STMND1: variants seen among roughly 807,000 people sequenced by gnomAD.
STMND1 encodes the protein stathmin domain containing 1.
In STMND1, 17 loss-of-function variants were observed where a neutral mutation model predicts 23.0. The ratio of observed to expected loss-of-function variants is 0.74; its 90% CI spans 0.51 to 1.11. STMND1 has a LOEUF of 1.11. Among genes scored for constraint, STMND1 ranks in the 50% least tolerant of loss-of-function variants. STMND1 has a pLI of 0.00. For missense variants in STMND1, 305 were observed against 329.1 expected (o/e 0.93, Z 0.57); for synonymous variants, 114 against 119.9 (o/e 0.95, Z 0.32).
At chr6:17,111,304 G>A (rs1395111511) in intron 1 of STMND1, among the ~76,000 whole-genome samples, 4 of 152,072 alleles carry the variant, frequency 2.6e-5, no homozygotes, top group African/African-American at 9.7e-5. Flanking sequence ...TTTATCGAGG[G>A]CCTTCTGGAA....
rs1761383004 is a variant in STMND1, at chr6:17,130,853, A to G, written c.803A>G (p.Tyr268Cys). 1 of 1,531,878 alleles carries G rather than the reference A, an allele frequency of 6.5e-7. No homozygotes were observed. The highest frequency in any genetic ancestry group is 8.7e-7 in the Non-Finnish European group (1 of 1,144,012). The allele number at this position is 1,531,878 out of a possible 1,614,324, so 94.9% of individuals were successfully genotyped here. Residue 268 changes from tyrosine to cysteine, a missense_variant, in exon 5 of 5, where the codon TAC (tyrosine) becomes TGC (cysteine). Physicochemically the swap from Tyr to Cys is radical, Grantham distance 194. Transcript: ENST00000536551. ...GGGGTCGTGGAGTCAGACATGTCCTACAACCAAGCAGATGACATAGTCTAC... is the reference window on the plus strand; with the variant it reads ...GGGGTCGTGGAGTCAGACATGTCCTGCAACCAAGCAGATGACATAGTCTAC... Reference protein sequence around the residue: ...SFGVVESDMSYNQADDIVY With the variant: ...SFGVVESDMSCNQADDIVY
chr6:17,106,191 C>T (rs1033469744), intron 1 of STMND1, among the ~76,000 whole-genome samples: 5 of 152,198 alleles, frequency 3.3e-5, no homozygotes, highest in African/African-American at 1.2e-4. Context: ...CGAGGTCACT[C>T]CTCCTGAAGC....
At chr6:17,129,066 C>A in intron 3 of STMND1, 46 bp from the exon 4 acceptor site, 1 of 1,519,948 alleles carries the variant, frequency 6.6e-7, no homozygotes, top group Non-Finnish European at 8.8e-7. Flanking sequence ...TCTCTTCTGC[C>A]AGTGAATATG....
At chr6:17,118,150 CAGTT>C (rs567903018) in intron 2 of STMND1, among the ~76,000 whole-genome samples, 115 of 150,354 alleles carry the variant, frequency 7.6e-4, no homozygotes, top group African/African-American at 2.6e-3. Context: ...TTTTGAGTCA[CAGTT>C]AGAAAGTCTT....
In STMND1 at chr6:17,115,066, G is replaced by T; in HGVS notation, c.186G>T (p.Gln62His). 1.3e-6 allele frequency: 2 copies of T among 1,536,048 alleles called. No individual in the cohort carries two copies. Among genetic ancestry groups the T allele is most frequent in the Non-Finnish European group, 8.7e-7 (1 of 1,146,866 alleles). Reference sequence around the variant, plus strand: ...TTGCAGAAGGCCTGGAACAAGTCCAGATGGGAAGCTTACCTGGAACCATTT... The same window carrying T: ...TTGCAGAAGGCCTGGAACAAGTCCATATGGGAAGCTTACCTGGAACCATTT... ...VDIAEGLEQV[Q>H]MGSLPGTISE... Residue 62 changes from glutamine to histidine, a missense_variant, in exon 2 of 5, where the codon CAG becomes CAT. Transcript: ENST00000536551.
At chr6:17,128,566 G>T (rs1029047311) in intron 3 of STMND1, 1 of 152,146 alleles carries the variant, frequency 6.6e-6, no homozygotes, top group East Asian at 1.9e-4. Context: ...GAGAACACCT[G>T]CATTCATAGG....
At chr6:17,107,214 T>A (rs1008886079) in intron 1 of STMND1, among the ~76,000 whole-genome samples, 1 of 152,232 alleles carries the variant, frequency 6.6e-6, no homozygotes, top group African/African-American at 2.4e-5. Context: ...CCCTTCAAGC[T>A]GTTTGGTAAA....
chr6:17,121,085 T>A (rs1761227546), intron 3 of STMND1, among the ~76,000 whole-genome samples: 1 of 152,198 alleles, frequency 6.6e-6, no homozygotes, highest in Non-Finnish European at 1.5e-5. Flanking sequence ...GATGGTTTTA[T>A]AAGTGTCTGG....
chr6:17,106,898 A>T lies in STMND1; in HGVS notation c.81+4560A>T, dbSNP rs975231668. On this transcript the variant is annotated intron_variant, in intron 1 of 4. Coordinates refer to ENST00000536551, the MANE Select transcript of STMND1 (RefSeq NM_001190766.2). ...AATAATGCATAATAATAAGAAAAGC[A>T]TGGAAAACTTCTTAGTTGGAGAAAT... 3.3e-5 allele frequency among the ~76,000 whole-genome samples: 5 copies of T among 152,342 alleles called. No individual in the cohort carries two copies. The South Asian group carries it at 1.0e-3, about 32-fold the overall frequency.
intron 4 of STMND1, 73 bp downstream of exon 4, chr6:17,129,316 C>T: frequency 6.9e-7 from 1 of 1,444,182 alleles, no homozygotes; most frequent in Non-Finnish European, 9.2e-7. Flanking sequence ...CAGAGCTTTC[C>T]TATCAGCAGT....
chr6:17,120,763 G>A lies in STMND1; in HGVS notation c.411+5G>A, dbSNP rs780462454. ...GGAGAATCATATGATGTCACGGCAA[G>A]TAATTTTGTAATTAACATTAGCTTA... On this transcript the variant is annotated splice_donor_5th_base_variant and intron_variant, in intron 3 of 4. Coordinates refer to ENST00000536551, the MANE Select transcript of STMND1 (RefSeq NM_001190766.2). 1.1e-5 allele frequency: 17 copies of A among 1,515,968 alleles called. No individual in the cohort carries two copies. Among genetic ancestry groups the A allele is most frequent in the African/African-American group, 1.4e-5 (1 of 71,932 alleles). 93.9% of individuals were successfully genotyped at this position (1,515,968 alleles called of 1,614,324 possible).
chr6:17,130,019 T>G (rs1404411709), intron 4 of STMND1, among the ~76,000 whole-genome samples: 1 of 152,148 alleles, frequency 6.6e-6, no homozygotes, highest in Non-Finnish European at 1.5e-5. Context: ...TTTATGCTTT[T>G]TATTATATGC....
At chr6:17,113,790 A>G in intron 1 of STMND1, among the ~76,000 whole-genome samples, 1 of 152,100 alleles carries the variant, frequency 6.6e-6, no homozygotes, top group East Asian at 1.9e-4. Flanking sequence ...TTAATCAGCA[A>G]AAACAATATA....
chr6:17,114,826 C>A, intron 1 of STMND1, 136 bp from the exon 2 acceptor site: 1 of 948,730 alleles, frequency 1.1e-6, no homozygotes, highest in East Asian at 2.9e-5. Flanking sequence ...GTTGGGGACC[C>A]CGATCTATGG....
chr6:17,104,084 A>G (rs1187801328), intron 1 of STMND1, among the ~76,000 whole-genome samples: 1 of 151,918 alleles, frequency 6.6e-6, no homozygotes, highest in Non-Finnish European at 1.5e-5. Flanking sequence ...TGCTAAACCA[A>G]ATGACTCTCA....
chr6:17,110,338 C>T (rs559337798), intron 1 of STMND1, among the ~76,000 whole-genome samples: 4 of 152,112 alleles, frequency 2.6e-5, no homozygotes, highest in Admixed American at 1.3e-4. Flanking sequence ...GTGAATAGCC[C>T]CTGCTCCCCA....
At chr6:17,126,407 G>A (rs1007269584) in intron 3 of STMND1, among the ~76,000 whole-genome samples, 12 of 152,038 alleles carry the variant, frequency 7.9e-5, no homozygotes, top group East Asian at 1.9e-4. Context: ...ATTAAGCCAC[G>A]GGAAGAGGTG....
At chr6:17,116,368 G>T (rs535257357) in intron 2 of STMND1, among the ~76,000 whole-genome samples, 141 of 152,240 alleles carry the variant, frequency 9.3e-4, no homozygotes, top group Non-Finnish European at 1.7e-3. Context: ...TTTGTCCTCT[G>T]CCCAGTTTTC....
intron 3 of STMND1, among the ~76,000 whole-genome samples, chr6:17,125,027 G>A (rs906730422): frequency 2.1e-5 from 3 of 143,964 alleles, no homozygotes; most frequent in Non-Finnish European, 3.1e-5. Flanking sequence ...AAAAAAAAAA[G>A]TTAAATGTGC....
Sources: gnomAD v4.1 joint callset for allele counts (sites outside exome capture counted in the v4.1 genomes callset) on GRCh38, gnomAD v4.1.1 for gene constraint, MANE v1.5 for transcripts, NCBI Gene and HGNC (gene_info 2026-07-23, HGNC 2026-07-21) for gene names.